The following ITSN1 variants were observed in gnomAD, a reference collection of about 807,000 sequenced individuals.
ITSN1 encodes the protein intersectin-1.
Under a neutral mutation model 239.8 loss-of-function variants are expected in ITSN1, and 58 were observed. The observed-to-expected ratio is 0.24, with a 90% confidence interval of 0.20 to 0.30. ITSN1 has a LOEUF of 0.30. ITSN1 is among the 10% of genes least tolerant of loss of function. The probability of loss-of-function intolerance (pLI) is 1.00; values close to 1 mark genes in which losing one functional copy is unlikely to be tolerated. For synonymous variants in ITSN1, 780 were observed against 770.8 expected (o/e 1.01, Z -0.20); for missense variants, 1,558 against 2,103.3 (o/e 0.74, Z 5.07).
chr21:33,810,742 T>TG (rs1233777546), intron 20 of ITSN1, among the ~76,000 whole-genome samples: 2 of 152,194 alleles, frequency 1.3e-5, no homozygotes, highest in Non-Finnish European at 2.9e-5. Flanking sequence ...AGGACAGTTA[T>TG]GGGGTAAGGC....
At chr21:33,743,931 A>G (rs974781660) in intron 5 of ITSN1, among the ~76,000 whole-genome samples, 2 of 152,250 alleles carry the variant, frequency 1.3e-5, no homozygotes, top group African/African-American at 4.8e-5. Context: ...AAACGTTACC[A>G]ATTTATAAGG....
At chr21:33,684,185 A>G (rs1181826986) in intron 1 of ITSN1, among the ~76,000 whole-genome samples, 1 of 152,228 alleles carries the variant, frequency 6.6e-6, no homozygotes, top group Non-Finnish European at 1.5e-5. Context: ...CCTTGTTTCC[A>G]TGTGACTACT....
Position 33,797,342 on chromosome 21 carries a change from T to C in ITSN1, c.1953-37T>C. Reference sequence around the variant, plus strand: ...AGGCAACAGTAGTGTTAACTTAGAGTTGCTTTCTTGCTGTAATCAAGCGTG... The same window carrying C: ...AGGCAACAGTAGTGTTAACTTAGAGCTGCTTTCTTGCTGTAATCAAGCGTG... On this transcript the variant is annotated intron_variant, in intron 17 of 39. Coordinates refer to ENST00000381318, the MANE Select transcript of ITSN1 (RefSeq NM_003024.3). This position sits in a 1 kb window ranked among gnomAD's most constrained non-coding sequence, Gnocchi z 4.9. 6.3e-7 allele frequency: 1 copy of C among 1,580,014 alleles called. No individual in the cohort carries two copies. The highest frequency in any genetic ancestry group is 8.7e-7 in the Non-Finnish European group (1 of 1,151,076).
chr21:33,686,331 T>G (rs1216231363), intron 1 of ITSN1, among the ~76,000 whole-genome samples: 1 of 152,164 alleles, frequency 6.6e-6, no homozygotes, highest in Non-Finnish European at 1.5e-5. Flanking sequence ...TCAATTTGTG[T>G]TTTTGTCACT....
Position 33,712,267 on chromosome 21 carries a change from T to A in ITSN1, c.-32-6530T>A, listed in dbSNP as rs115143858. 2.3e-3 allele frequency among the ~76,000 whole-genome samples: 351 copies of A among 152,298 alleles called. 1 individual carries two copies. The highest frequency in any genetic ancestry group is 8.2e-3 in the African/African-American group (340 of 41,564). On this transcript the variant is annotated intron_variant, in intron 1 of 39. Transcript: ENST00000381318. ...GTTTTGGATTATATCCTGGACATTG[T>A]GAGTTTCATGTTGTATAGATGTTGT...
chr21:33,718,083 T>C (rs2065270769), intron 1 of ITSN1, among the ~76,000 whole-genome samples: 1 of 152,164 alleles, frequency 6.6e-6, no homozygotes, highest in South Asian at 2.1e-4. Context: ...AATGATATCG[T>C]GCTAATCACG....
intron 5 of ITSN1, among the ~76,000 whole-genome samples, chr21:33,746,359 A>C (rs111745222): frequency 1.3e-5 from 2 of 152,326 alleles, no homozygotes; most frequent in South Asian, 2.1e-4. Context: ...AGTAGGAACT[A>C]TCTCTGATCC....
chr21:33,677,549 A>G (rs868267203), intron 1 of ITSN1, among the ~76,000 whole-genome samples: 2 of 152,064 alleles, frequency 1.3e-5, no homozygotes, highest in South Asian at 4.1e-4. Flanking sequence ...CCTGTTGGCC[A>G]GGCTGGTCCC....
intron 7 of ITSN1, among the ~76,000 whole-genome samples, chr21:33,753,388 C>T (rs1379451919): frequency 6.6e-6 from 1 of 152,090 alleles, no homozygotes; most frequent in Non-Finnish European, 1.5e-5. Context: ...AGCTCTAGTC[C>T]TCACCCATAG....
chr21:33,793,098 T>G (rs1359397877), intron 16 of ITSN1, among the ~76,000 whole-genome samples: 1 of 152,230 alleles, frequency 6.6e-6, no homozygotes, highest in East Asian at 1.9e-4. Flanking sequence ...AACTTTAACC[T>G]TAGCAAAATT....
At chr21:33,648,460 A>G (rs1335168565) in intron 1 of ITSN1, among the ~76,000 whole-genome samples, 1 of 152,166 alleles carries the variant, frequency 6.6e-6, no homozygotes, top group South Asian at 2.1e-4. Context: ...TGGAGTAACT[A>G]AGAGGTTCTC....
intron 34 of ITSN1, among the ~76,000 whole-genome samples, chr21:33,880,076 C>T (rs1569338333): frequency 2.0e-5 from 3 of 152,148 alleles, no homozygotes; most frequent in Admixed American, 6.5e-5. Flanking sequence ...TGCACAGCGT[C>T]GTTGTTGTCT....
intron 4 of ITSN1, among the ~76,000 whole-genome samples, chr21:33,732,074 T>G (rs576236540): frequency 7.2e-5 from 11 of 152,336 alleles, no homozygotes; most frequent in Middle Eastern, 3.4e-3. Context: ...GAGTTTTTAA[T>G]TGGCATTTCA....
At chr21:33,740,773 A>C (rs2147327782) in intron 5 of ITSN1, among the ~76,000 whole-genome samples, 1 of 152,324 alleles carries the variant, frequency 6.6e-6, no homozygotes, top group South Asian at 2.1e-4. Flanking sequence ...TGGCTATTTA[A>C]AGCACAGTAG....
chr21:33,728,540 T>C lies in ITSN1; in HGVS notation c.185+5889T>C, dbSNP rs75197310. Among the ~76,000 whole-genome samples, 560 of 152,316 alleles carry C rather than the reference T, an allele frequency of 3.7e-3. 2 individuals carry two copies. The highest frequency in any genetic ancestry group is 0.013 in the African/African-American group (530 of 41,574). ...ACCCTGCCCAGCCTTCTTCCTGTTC[T>C]TTAAATGGGCCAGGTTTCTCCTTGC... On this transcript the variant is annotated intron_variant, in intron 4 of 39. Transcript: ENST00000381318.
At chr21:33,750,421 T>C in intron 6 of ITSN1, 99 bp downstream of exon 6, 1 of 1,129,532 alleles carries the variant, frequency 8.9e-7, no homozygotes, top group Non-Finnish European at 1.3e-6. Flanking sequence ...TATGTTTAAA[T>C]GATATTTTAG....
intron 28 of ITSN1, among the ~76,000 whole-genome samples, 167 bp from the exon 29 acceptor site, chr21:33,836,274 C>T (rs2074597659): frequency 6.6e-6 from 1 of 152,224 alleles, no homozygotes; most frequent in African/African-American, 2.4e-5. Flanking sequence ...TTTAATTCTT[C>T]ACCTTTATTG....
At chr21:33,726,348 C>T (rs2065831317) in intron 4 of ITSN1, among the ~76,000 whole-genome samples, 1 of 134,956 alleles carries the variant, frequency 7.4e-6, no homozygotes, top group Non-Finnish European at 1.7e-5. Context: ...GAAGCAGCTC[C>T]CTCCAACCCC....
intron 5 of ITSN1, among the ~76,000 whole-genome samples, chr21:33,741,894 C>CAAAAAAAA (rs57036929): frequency 1.3e-5 from 1 of 74,140 alleles, no homozygotes; most frequent in African/African-American, 4.9e-5. Flanking sequence ...GATTCCGTCT[C>CAAAAAAAA]AAAAAAAAAA....
Sources: allele counts gnomAD v4.1 joint callset (sites outside exome capture counted in the v4.1 genomes callset), GRCh38; gene constraint gnomAD v4.1.1; non-coding constraint Gnocchi (gnomAD v3.1); transcripts MANE v1.5; gene names NCBI Gene and HGNC (gene_info 2026-07-23, HGNC 2026-07-21).